UNC5D: variants seen among roughly 807,000 people sequenced by gnomAD.
The protein encoded by UNC5D is unc-5 netrin receptor D, also known as netrin receptor UNC5D.
UNC5D carries 39 observed loss-of-function variants against 105.4 expected under a neutral mutation model. The ratio of observed to expected loss-of-function variants is 0.37; its 90% CI spans 0.29 to 0.48. The LOEUF (loss-of-function observed/expected upper bound fraction) is 0.48. Among genes scored for constraint, UNC5D ranks in the 20% least tolerant of loss-of-function variants. The pLI is 0.98. For synonymous variants in UNC5D, 452 were observed against 450.4 expected, an observed-to-expected ratio of 1.00 and a Z score of -0.04; for missense variants, 991 against 1,202.4, an observed-to-expected ratio of 0.82 and a Z score of 2.60.
chr8:35,329,870 C>T (rs914627582), intron 1 of UNC5D, among the ~76,000 whole-genome samples: 4 of 152,010 alleles, frequency 2.6e-5, no homozygotes, highest in African/African-American at 9.7e-5. Context: ...AGCACTTGAG[C>T]AAGTATGGGC....
At chr8:35,567,894 A>G (rs1467824659) in intron 2 of UNC5D, among the ~76,000 whole-genome samples, 1 of 152,232 alleles carries the variant, frequency 6.6e-6, no homozygotes, top group Non-Finnish European at 1.5e-5. Context: ...ATTGGTTGAT[A>G]ATACTTTACA....
intron 2 of UNC5D, among the ~76,000 whole-genome samples, chr8:35,566,307 G>C (rs1431969582): frequency 6.6e-6 from 1 of 152,088 alleles, no homozygotes; most frequent in Non-Finnish European, 1.5e-5. Flanking sequence ...TCCCCAGCCT[G>C]ACTAATCCTA....
intron 1 of UNC5D, among the ~76,000 whole-genome samples, chr8:35,246,812 T>C (rs1803131457): frequency 1.3e-5 from 2 of 152,156 alleles, no homozygotes; most frequent in Admixed American, 1.3e-4. Flanking sequence ...GCTTGAGCTG[T>C]GGGCATACAA....
chr8:35,647,997 A>C (rs1402047356), intron 4 of UNC5D, among the ~76,000 whole-genome samples: 1 of 152,180 alleles, frequency 6.6e-6, no homozygotes, highest in Non-Finnish European at 1.5e-5. Flanking sequence ...TTAATTTCTT[A>C]CTAGAAAATA....
chr8:35,354,308 CAG>C (rs971119538), intron 1 of UNC5D, among the ~76,000 whole-genome samples: 3 of 151,984 alleles, frequency 2.0e-5, no homozygotes, highest in Non-Finnish European at 4.4e-5. Context: ...TTAAGCAAAG[CAG>C]AGACAAATAT....
Position 35,568,258 on chromosome 8 carries a change from T to A in UNC5D, c.466+17T>A, listed in dbSNP as rs770608585. ...GCATAGCCTGTAAGTACATTCTGGGTGACCTTGTCTTGTAGGACCACAAAT... is the reference window on the plus strand; with the variant it reads ...GCATAGCCTGTAAGTACATTCTGGGAGACCTTGTCTTGTAGGACCACAAAT... On this transcript the variant is annotated intron_variant, in intron 3 of 16. Transcript: ENST00000404895. The A allele has an allele frequency of 1.2e-6, 2 of 1,611,458 alleles. No homozygotes were observed. The highest frequency in any genetic ancestry group is 3.4e-5 in the Admixed American group (2 of 59,682).
chr8:35,592,579 T>G (rs1003194868), intron 3 of UNC5D, among the ~76,000 whole-genome samples: 7 of 152,302 alleles, frequency 4.6e-5, no homozygotes, highest in Non-Finnish European at 1.0e-4. Flanking sequence ...TCTACTATAT[T>G]TAGTAGCTAA....
At chr8:35,338,014 A>T (rs1054212871) in intron 1 of UNC5D, among the ~76,000 whole-genome samples, 27 of 152,248 alleles carry the variant, frequency 1.8e-4, no homozygotes, top group Non-Finnish European at 1.5e-5. Context: ...TACAGTATTC[A>T]TAATCAGAGT....
intron 1 of UNC5D, among the ~76,000 whole-genome samples, chr8:35,392,278 C>T (rs1214984355): frequency 6.6e-6 from 1 of 152,174 alleles, no homozygotes; most frequent in Non-Finnish European, 1.5e-5. Flanking sequence ...CCATCCTTAG[C>T]ACACAGCAGC....
chr8:35,697,752 G>GACT, intron 7 of UNC5D, among the ~76,000 whole-genome samples: 1 of 152,264 alleles, frequency 6.6e-6, no homozygotes, highest in South Asian at 2.1e-4. Flanking sequence ...TAAACAAGAC[G>GACT]GATGTAGACC....
intron 1 of UNC5D, among the ~76,000 whole-genome samples, chr8:35,415,871 A>G (rs10089315): frequency 0.049 from 7,519 of 152,274 alleles, 213 homozygotes; most frequent in African/African-American, 0.073. Flanking sequence ...ACTACAGTAG[A>G]GTAGGAAGAT....
chr8:35,662,507 A>G (rs1824172455), intron 4 of UNC5D, among the ~76,000 whole-genome samples: 1 of 152,234 alleles, frequency 6.6e-6, no homozygotes, highest in African/African-American at 2.4e-5. Context: ...GGTTTAAAGC[A>G]AAATAAACAC....
chr8:35,313,943 G>A (rs1809087605), intron 1 of UNC5D, among the ~76,000 whole-genome samples: 1 of 152,154 alleles, frequency 6.6e-6, no homozygotes, highest in South Asian at 2.1e-4. Flanking sequence ...GAAGTTAAGT[G>A]CTGTTAAATT....
chr8:35,506,743 A>C (rs1242868518), intron 1 of UNC5D, among the ~76,000 whole-genome samples: 1 of 152,160 alleles, frequency 6.6e-6, no homozygotes. Flanking sequence ...AATGTAATAA[A>C]AGGAAGGATT....
chr8:35,237,266 A>C (rs758940366), intron 1 of UNC5D, among the ~76,000 whole-genome samples: 1 of 144,036 alleles, frequency 6.9e-6, no homozygotes, highest in Non-Finnish European at 1.5e-5. Flanking sequence ...GTGATTGTAC[A>C]CCCTGGGTTA....
At chr8:35,658,377 G>A (rs1297494295) in intron 4 of UNC5D, among the ~76,000 whole-genome samples, 2 of 152,092 alleles carry the variant, frequency 1.3e-5, no homozygotes, top group African/African-American at 4.8e-5. Context: ...TTATGGTATT[G>A]TTTTTCCTAT....
intron 4 of UNC5D, among the ~76,000 whole-genome samples, chr8:35,674,145 C>A (rs1825031128): frequency 6.6e-6 from 1 of 152,198 alleles, no homozygotes; most frequent in Non-Finnish European, 1.5e-5. Context: ...CTTACTCTAA[C>A]AATGTTGCCA....
chr8:35,760,683 G>T, intron 14 of UNC5D, among the ~76,000 whole-genome samples: 1 of 152,236 alleles, frequency 6.6e-6, no homozygotes, highest in African/African-American at 2.4e-5. Flanking sequence ...CATTGACCTG[G>T]AATCACAGAA....
intron 8 of UNC5D, among the ~76,000 whole-genome samples, chr8:35,709,465 A>C (rs1344274162): frequency 6.6e-6 from 1 of 152,058 alleles, no homozygotes; most frequent in Non-Finnish European, 1.5e-5. Flanking sequence ...CTAGACAGGT[A>C]GGTCACTTGA....
Sources: gnomAD v4.1 joint callset for allele counts (sites outside exome capture counted in the v4.1 genomes callset) on GRCh38, gnomAD v4.1.1 for gene constraint, MANE v1.5 for transcripts, NCBI Gene and HGNC (gene_info 2026-07-23, HGNC 2026-07-21) for gene names.